The following CDH13 variants were observed in gnomAD, a reference collection of about 807,000 sequenced individuals.
The protein encoded by CDH13 is cadherin 13, also known as cadherin-13.
Under a neutral mutation model 63.8 loss-of-function variants are expected in CDH13, and 24 were observed. That is an observed-to-expected ratio of 0.38 (90% CI 0.27 to 0.53). The LOEUF (loss-of-function observed/expected upper bound fraction) is 0.53, where lower values mean the gene tolerates loss of function less well. Among genes scored for constraint, CDH13 ranks in the 20% least tolerant of loss-of-function variants. The pLI is 0.85. For synonymous variants in CDH13, 503 were observed against 355.3 expected (o/e 1.42, Z -4.67); for missense variants, 1,049 against 903.1 (o/e 1.16, Z -2.07).
At chr16:83,151,612 T>G (rs1317406083) in intron 4 of CDH13, among the ~76,000 whole-genome samples, 1 of 152,170 alleles carries the variant, frequency 6.6e-6, no homozygotes, top group Non-Finnish European at 1.5e-5. Flanking sequence ...AATCAATCAC[T>G]TATTTTTCAA....
chr16:83,506,526 C>A (rs55676426), intron 7 of CDH13, among the ~76,000 whole-genome samples: 1 of 152,210 alleles, frequency 6.6e-6, no homozygotes, highest in Admixed American at 6.5e-5. Context: ...TCAGCATTTT[C>A]TCTTCCCTCA....
At chr16:82,959,032 G>A (rs9933379) in intron 2 of CDH13, among the ~76,000 whole-genome samples, 1 of 152,188 alleles carries the variant, frequency 6.6e-6, no homozygotes, top group Admixed American at 6.5e-5. Flanking sequence ...GTATTTTGGC[G>A]AGGAGCAAGG....
At chr16:82,969,210 G>C (rs893046072) in intron 2 of CDH13, among the ~76,000 whole-genome samples, 3 of 152,106 alleles carry the variant, frequency 2.0e-5, no homozygotes, top group African/African-American at 7.2e-5. Flanking sequence ...TCCTGCAAAG[G>C]GCCAGGTAGG....
intron 7 of CDH13, among the ~76,000 whole-genome samples, chr16:83,582,009 A>G (rs1014357607): frequency 2.0e-5 from 3 of 152,170 alleles, no homozygotes; most frequent in African/African-American, 7.2e-5. Flanking sequence ...ACACTGGCTA[A>G]AAGATTGCCT....
At chr16:82,728,388 A>G (rs1205451664) in intron 1 of CDH13, among the ~76,000 whole-genome samples, 1 of 152,122 alleles carries the variant, frequency 6.6e-6, no homozygotes, top group Non-Finnish European at 1.5e-5. Context: ...GAGATATTGC[A>G]GGTTTGGTTC....
chr16:83,376,118 T>C (rs2091455494), intron 6 of CDH13, among the ~76,000 whole-genome samples: 1 of 152,196 alleles, frequency 6.6e-6, no homozygotes, highest in Middle Eastern at 3.2e-3. Flanking sequence ...CCCCAGGTGA[T>C]AGCAAACAAA....
intron 2 of CDH13, among the ~76,000 whole-genome samples, chr16:82,931,305 A>G (rs757226931): frequency 1.3e-5 from 2 of 152,328 alleles, no homozygotes; most frequent in East Asian, 3.9e-4. Context: ...CTGATAACAA[A>G]CAAACAAAAA....
At chr16:83,349,227 C>T (rs980029618) in intron 6 of CDH13, among the ~76,000 whole-genome samples, 5 of 152,218 alleles carry the variant, frequency 3.3e-5, no homozygotes, top group African/African-American at 1.2e-4. Flanking sequence ...CAAGCCAAGG[C>T]TCTGGCTGCT....
chr16:83,249,118 G>T (rs777584748), intron 5 of CDH13, among the ~76,000 whole-genome samples: 1 of 152,154 alleles, frequency 6.6e-6, no homozygotes, highest in Non-Finnish European at 1.5e-5. Context: ...TTTCTCTGCT[G>T]GACCTTCATG....
rs865871156 is a variant in CDH13, at chr16:83,180,816, C to G, written c.484-36529C>G. On this transcript the variant is annotated intron_variant, in intron 4 of 13. Transcript: ENST00000567109. ...CCATGATGCTGTAGTCATTTGTTGG[C>G]TTGTTTATTTTAATCCCCAATTTAC... 4.6e-5 allele frequency: 57 copies of G among 1,239,400 alleles called. No individual in the cohort carries two copies. In the Middle Eastern group the frequency reaches 3.2e-3, roughly 69 times the overall value. 76.8% of individuals were successfully genotyped at this position (1,239,400 alleles called of 1,614,324 possible).
intron 3 of CDH13, among the ~76,000 whole-genome samples, chr16:83,122,850 T>C (rs1400800722): frequency 2.0e-5 from 3 of 151,990 alleles, no homozygotes; most frequent in African/African-American, 4.8e-5. Flanking sequence ...TAGTGGGAAG[T>C]GTGGCCTTTT....
chr16:83,473,564 A>G (rs986138308), intron 6 of CDH13, among the ~76,000 whole-genome samples: 4 of 152,174 alleles, frequency 2.6e-5, no homozygotes, highest in Admixed American at 6.5e-5. Context: ...TCTGTCCTGC[A>G]CTACAACTCA....
At chr16:83,478,043 T>A (rs2073653117) in intron 6 of CDH13, among the ~76,000 whole-genome samples, 1 of 151,428 alleles carries the variant, frequency 6.6e-6, no homozygotes, top group East Asian at 2.0e-4. Flanking sequence ...TAGCCAGGCT[T>A]GGTGGTCCCA....
At chr16:82,773,096 C>A (rs533450242) in intron 1 of CDH13, among the ~76,000 whole-genome samples, 116 of 152,326 alleles carry the variant, frequency 7.6e-4, no homozygotes, top group Non-Finnish European at 1.1e-3. Context: ...ACACTCCTTT[C>A]ATCTCTCAGA....
intron 2 of CDH13, among the ~76,000 whole-genome samples, chr16:82,891,424 C>G (rs1416030027): frequency 6.6e-6 from 1 of 152,190 alleles, no homozygotes. Context: ...TTGTATTCCT[C>G]TTGGATTTGC....
intron 6 of CDH13, among the ~76,000 whole-genome samples, chr16:83,420,108 A>G (rs541458564): frequency 6.6e-6 from 1 of 152,186 alleles, no homozygotes; most frequent in Non-Finnish European, 1.5e-5. Flanking sequence ...TAAAAAATAT[A>G]AAAGAGAAAT....
chr16:83,032,267 C>A (rs762111262), intron 3 of CDH13, 49 bp downstream of exon 3: 3 of 1,442,234 alleles, frequency 2.1e-6, no homozygotes, highest in African/African-American at 2.8e-5. Context: ...ACATTAGGTT[C>A]TGTCTGTCTT....
chr16:82,843,395 A>C (rs1468399470), intron 1 of CDH13, among the ~76,000 whole-genome samples: 6 of 152,214 alleles, frequency 3.9e-5, no homozygotes, highest in African/African-American at 1.4e-4. Flanking sequence ...TTGGGGAAAC[A>C]TCTTAACTGT....
intron 9 of CDH13, among the ~76,000 whole-genome samples, chr16:83,677,130 C>A (rs968543458): frequency 1.3e-5 from 2 of 152,210 alleles, no homozygotes; most frequent in Non-Finnish European, 2.9e-5. Context: ...AAATGTCTCC[C>A]CATGCACCGC....
Sources: allele counts gnomAD v4.1 joint callset (sites outside exome capture counted in the v4.1 genomes callset), GRCh38; gene constraint gnomAD v4.1.1; transcripts MANE v1.5; gene names NCBI Gene and HGNC (gene_info 2026-07-23, HGNC 2026-07-21).